The following BRD1 variants were observed in gnomAD, a reference collection of about 807,000 sequenced individuals.
BRD1 encodes the protein bromodomain containing 1.
In BRD1, 24 loss-of-function variants were observed where a neutral mutation model predicts 107.7. That is an observed-to-expected ratio of 0.22 (90% CI 0.16 to 0.31). BRD1 has a LOEUF of 0.31. Among genes scored for constraint, BRD1 ranks in the 10% least tolerant of loss-of-function variants. BRD1 has a pLI of 1.00. For missense variants in BRD1, 1,279 were observed against 1,638.6 expected (o/e 0.78, Z 3.79); for synonymous variants, 744 against 686.1 (o/e 1.08, Z -1.32).
In BRD1 at chr22:49,803,517, T is replaced by C. The variant is rs760620938; in HGVS notation, c.1524+687A>G. 2.4e-4 allele frequency among the ~76,000 whole-genome samples: 36 copies of C among 152,236 alleles called. No individual in the cohort carries two copies. Among genetic ancestry groups the C allele is most frequent in the Non-Finnish European group, 3.5e-4 (24 of 68,040 alleles). On this transcript the variant is annotated intron_variant, in intron 3 of 12. Coordinates refer to ENST00000404760, the MANE Select transcript of BRD1 (RefSeq NM_001304808.3). This position sits in a 1 kb window ranked among gnomAD's most constrained non-coding sequence, Gnocchi z 4.4. ...CTGCTTGTGTTTTCAATTACTTTTG[T>C]GCATCTCACAGAAGCTACTTCACTC...
At position 49,798,946 on chromosome 22, in the gene BRD1, G is replaced by A. The variant is rs760063694; in HGVS notation, c.1656+42C>T. 21 of 1,559,980 alleles carry A rather than the reference G, an allele frequency of 1.3e-5. 1 individual carries two copies. The highest frequency in any genetic ancestry group is 3.6e-5 in the Admixed American group (2 of 55,424). On this transcript the variant is annotated intron_variant, in intron 4 of 12. Transcript: ENST00000404760. ...GCTGCCAGCGTCCCACCCACGCCCC[G>A]TGGCCAGTGGTGCACTCCACGCGGG... is the stretch of plus-strand genomic sequence containing the variant.
intron 2 of BRD1, among the ~76,000 whole-genome samples, chr22:49,818,995 C>T (rs565271499): frequency 3.3e-5 from 5 of 152,224 alleles, no homozygotes; most frequent in African/African-American, 1.2e-4. Flanking sequence ...CGGTGGTTCA[C>T]GCCTGTAATC....
At chr22:49,811,095 C>A (rs1232750919) in intron 2 of BRD1, among the ~76,000 whole-genome samples, 3 of 152,104 alleles carry the variant, frequency 2.0e-5, no homozygotes, top group Non-Finnish European at 4.4e-5. Context: ...ACCCAGGGGG[C>A]ACGATGGATG....
At chr22:49,827,122 G>C (rs936050626) in intron 1 of BRD1, among the ~76,000 whole-genome samples, 1 of 151,580 alleles carries the variant, frequency 6.6e-6, no homozygotes, top group African/African-American at 2.4e-5. Context: ...GGCCGGCTCG[G>C]CGGCTGCCCG....
At chr22:49,779,028 T>A (rs1047950312) in intron 8 of BRD1, among the ~76,000 whole-genome samples, 1 of 152,226 alleles carries the variant, frequency 6.6e-6, no homozygotes, top group South Asian at 2.1e-4. Context: ...AAAAAATTTT[T>A]AAATCTATTT....
At chr22:49,797,126 G>A (rs562755184) in intron 6 of BRD1, among the ~76,000 whole-genome samples, 2 of 152,314 alleles carry the variant, frequency 1.3e-5, no homozygotes, top group East Asian at 3.9e-4. Flanking sequence ...AACAAGCAGG[G>A]TGCAGGGGAC....
At chr22:49,779,723 G>C (rs569247217) in intron 8 of BRD1, among the ~76,000 whole-genome samples, 1 of 152,190 alleles carries the variant, frequency 6.6e-6, no homozygotes, top group Non-Finnish European at 1.5e-5. Flanking sequence ...GATGTCTCAA[G>C]AGGGAATTAA....
chr22:49,798,703 G>C lies in BRD1; in HGVS notation c.1657-17C>G. 2.5e-6 allele frequency: 4 copies of C among 1,582,452 alleles called. No individual in the cohort carries two copies. Among genetic ancestry groups the C allele is most frequent in the Non-Finnish European group, 3.4e-6 (4 of 1,166,380 alleles). On this transcript the variant is annotated splice_polypyrimidine_tract_variant and intron_variant, in intron 4 of 12. Transcript: ENST00000404760. The stretch of plus-strand genomic sequence containing the variant: ...CACCTTCACCTGGGGGGGCCCAGCA[G>C]AGCCTCAGCTTTAGGGAGCCGCACA...
chr22:49,799,799 T>C (rs1213834242), intron 3 of BRD1, among the ~76,000 whole-genome samples: 1 of 152,176 alleles, frequency 6.6e-6, no homozygotes, highest in Non-Finnish European at 1.5e-5. Flanking sequence ...ATCAGAGCCC[T>C]GCAAAGGCCA....
rs2059027405 is a variant in BRD1, at chr22:49,773,565, C to G, written c.*668G>C. ...TTATACAATGCAATGCATTCTGCTC[C>G]CAAGCCAAGTTGAATTTTTATGTGC... On this transcript the variant is annotated 3_prime_UTR_variant, in exon 13 of 13. Transcript: ENST00000404760. 6.6e-6 allele frequency: 1 copy of G among 152,562 alleles called. No homozygotes were observed. The highest frequency in any genetic ancestry group is 2.4e-5 in the African/African-American group (1 of 41,422). The allele number at this position is 152,562 out of a possible 1,614,324, so 9.5% of individuals were successfully genotyped here. A position where few individuals can be genotyped will look rare whatever the true frequency, so the allele number is the denominator to read the frequency against.
intron 2 of BRD1, among the ~76,000 whole-genome samples, chr22:49,808,647 A>G (rs2059790590): frequency 6.6e-6 from 1 of 152,192 alleles, no homozygotes; most frequent in Admixed American, 6.5e-5. Context: ...CATGCCCCTG[A>G]GCTATACACT....
At chr22:49,811,376 C>G (rs2059845817) in intron 2 of BRD1, among the ~76,000 whole-genome samples, 1 of 152,192 alleles carries the variant, frequency 6.6e-6, no homozygotes, top group African/African-American at 2.4e-5. Context: ...CAACTGTACA[C>G]TTCACATGGG....
intron 8 of BRD1, 88 bp downstream of exon 8, chr22:49,787,302 C>CT (rs199851332): frequency 2.7e-6 from 2 of 750,916 alleles, no homozygotes; most frequent in South Asian, 1.8e-5. Context: ...GCTGGACACC[C>CT]CCCCCCCCCC....
At chr22:49,775,366 G>A (rs776120543) in intron 12 of BRD1, 10 of 370,698 alleles carry the variant, frequency 2.7e-5, no homozygotes, top group African/African-American at 4.2e-5. Context: ...GGAAGCCATC[G>A]GGCAGAGACA....
chr22:49,790,856 G>A (rs958495893), intron 7 of BRD1, among the ~76,000 whole-genome samples: 19 of 152,228 alleles, frequency 1.2e-4, no homozygotes, highest in East Asian at 3.8e-4. Context: ...CTCAGCGCCC[G>A]TGCACGGCAG....
intron 8 of BRD1, among the ~76,000 whole-genome samples, chr22:49,785,333 G>A (rs746589118): frequency 1.2e-4 from 19 of 152,242 alleles, no homozygotes; most frequent in Non-Finnish European, 2.1e-4. Flanking sequence ...CCCCACGGCC[G>A]GCAGGGCCTC....
At chr22:49,813,682 A>T (rs577346701) in intron 2 of BRD1, among the ~76,000 whole-genome samples, 1 of 151,874 alleles carries the variant, frequency 6.6e-6, no homozygotes, top group Non-Finnish European at 1.5e-5. Context: ...AAATACAAAA[A>T]TTAGCCAGGT....
At chr22:49,819,124 G>A (rs1025238727) in intron 2 of BRD1, among the ~76,000 whole-genome samples, 16 of 151,746 alleles carry the variant, frequency 1.1e-4, no homozygotes, top group South Asian at 6.2e-4. Flanking sequence ...GCCAGACACC[G>A]TGGCACACAC....
chr22:49,800,556 A>G (rs775327858), intron 3 of BRD1, among the ~76,000 whole-genome samples: 1 of 152,164 alleles, frequency 6.6e-6, no homozygotes, highest in Non-Finnish European at 1.5e-5. Context: ...AAGCGGAAGA[A>G]ATCTCCTCAT....
Sources: gnomAD v4.1 joint callset for allele counts (sites outside exome capture counted in the v4.1 genomes callset) on GRCh38, gnomAD v4.1.1 for gene constraint, Gnocchi (gnomAD v3.1) non-coding constraint, MANE v1.5 for transcripts, NCBI Gene and HGNC (gene_info 2026-07-23, HGNC 2026-07-21) for gene names.